The following KLRD1 variants were observed in gnomAD, a reference collection of about 807,000 sequenced individuals.
KLRD1 encodes the protein natural killer cells antigen CD94.
In KLRD1, 21 loss-of-function variants were observed where a neutral mutation model predicts 22.6. That is an observed-to-expected ratio of 0.93 (90% CI 0.66 to 1.34). The LOEUF is 1.34. KLRD1 is among the 40% of genes most tolerant of loss of function. The pLI is 0.00. For missense variants in KLRD1, 183 were observed against 208.6 expected, an observed-to-expected ratio of 0.88 and a Z score of 0.76; for synonymous variants, 59 against 71.1, an observed-to-expected ratio of 0.83 and a Z score of 0.85.
intron 1 of KLRD1, among the ~76,000 whole-genome samples, chr12:10,284,021 CAAAAAA>C (rs10706142): frequency 3.9e-5 from 5 of 129,376 alleles, no homozygotes; most frequent in African/African-American, 5.7e-5. Context: ...ATTAAAAATA[CAAAAAA>C]AAAAAAAAAA....
At chr12:10,253,201 T>G (rs1479548840) in intron 1 of KLRD1, among the ~76,000 whole-genome samples, 1 of 152,130 alleles carries the variant, frequency 6.6e-6, no homozygotes, top group African/African-American at 2.4e-5. Flanking sequence ...TATTTAAATC[T>G]CAGTTTTCAA....
intron 1 of KLRD1, among the ~76,000 whole-genome samples, chr12:10,273,384 G>A (rs1949566085): frequency 6.6e-6 from 1 of 152,272 alleles, no homozygotes; most frequent in Non-Finnish European, 1.5e-5. Context: ...AGATTGTAAT[G>A]TAATAATATT....
upstream of KLRD1, among the ~76,000 whole-genome samples, chr12:10,306,429 A>G (rs1217732720): frequency 6.6e-6 from 1 of 152,222 alleles, no homozygotes; most frequent in Non-Finnish European, 1.5e-5. Flanking sequence ...CTAAAAACTT[A>G]GAACCTCTAA....
At chr12:10,305,460 C>T (rs117084179), upstream of KLRD1, among the ~76,000 whole-genome samples, 4 of 152,104 alleles carry the variant, frequency 2.6e-5, no homozygotes, top group African/African-American at 4.8e-5. Context: ...GAAAGTGGAA[C>T]GCAATAAAGG....
upstream of KLRD1, among the ~76,000 whole-genome samples, chr12:10,301,115 AG>A (rs1949862607): frequency 6.6e-6 from 1 of 152,200 alleles, no homozygotes; most frequent in Non-Finnish European, 1.5e-5. Context: ...AAATGAATGA[AG>A]GGGGAAAAAT....
chr12:10,297,405 G>A (rs1361696572), intron 1 of KLRD1, among the ~76,000 whole-genome samples: 2 of 151,850 alleles, frequency 1.3e-5, no homozygotes, highest in Non-Finnish European at 2.9e-5. Context: ...ATGTGTCAAT[G>A]TATATTTCAT....
chr12:10,253,876 C>T (rs1949366900), intron 1 of KLRD1, among the ~76,000 whole-genome samples: 1 of 152,118 alleles, frequency 6.6e-6, no homozygotes, highest in Non-Finnish European at 1.5e-5. Context: ...CTGCAGTTAT[C>T]ATTCACATGC....
rs1327514319 is a variant in KLRD1 at position 10,316,245 on chromosome 12, C to G, written c.*1452C>G. The G allele has an allele frequency of 6.6e-6, 1 of 151,766 alleles. No homozygotes were observed. Among genetic ancestry groups the G allele is most frequent in the East Asian group, 1.9e-4 (1 of 5,188 alleles). The allele number at this position is 151,766 out of a possible 1,614,324, so 9.4% of individuals were successfully genotyped here. ...CATCCCATCATAATCCCAAATCCTA[C>G]TCAAACAAAAGGGGAAGGGATTATG... On this transcript the variant is annotated 3_prime_UTR_variant, in exon 6 of 6. Coordinates refer to ENST00000336164, the MANE Select transcript of KLRD1 (RefSeq NM_002262.5).
intron 1 of KLRD1, among the ~76,000 whole-genome samples, chr12:10,277,976 G>A (rs1315039499): frequency 1.3e-5 from 2 of 152,180 alleles, no homozygotes; most frequent in Admixed American, 6.5e-5. Flanking sequence ...TACCAGTGCT[G>A]CCTGGATTTA....
rs1470375236 is a variant in KLRD1, at chr12:10,324,133, A to G, written c.*9340A>G. The G allele has an allele frequency of 3.3e-5, 5 of 152,260 alleles. No individual in the cohort carries two copies. Among genetic ancestry groups the G allele is most frequent in the Non-Finnish European group, 7.3e-5 (5 of 68,110 alleles). 9.4% of individuals were successfully genotyped at this position (152,260 alleles called of 1,614,324 possible). A position where few individuals can be genotyped will look rare whatever the true frequency, so the allele number is the denominator to read the frequency against. On this transcript the variant is annotated 3_prime_UTR_variant, in exon 6 of 6. Transcript: ENST00000336164. ...TGCCTTGACCTCCCAAAGTGCTGGAATTACAGGCGTGAGCCACCACATCCA... is the reference window on the plus strand; with the variant it reads ...TGCCTTGACCTCCCAAAGTGCTGGAGTTACAGGCGTGAGCCACCACATCCA...
chr12:10,308,327 T>C, intron 1 of KLRD1: 1 of 494,734 alleles, frequency 2.0e-6, no homozygotes, highest in Non-Finnish European at 3.6e-6. Context: ...GGGCTACCTT[T>C]AAATTCTGAG....
intron 1 of KLRD1, among the ~76,000 whole-genome samples, chr12:10,288,732 A>G (rs1444626329): frequency 6.6e-6 from 1 of 152,256 alleles, no homozygotes; most frequent in Non-Finnish European, 1.5e-5. Context: ...AATATCAATT[A>G]TAGACTACAT....
chr12:10,280,610 G>T (rs1949631688), intron 1 of KLRD1, among the ~76,000 whole-genome samples: 1 of 152,132 alleles, frequency 6.6e-6, no homozygotes, highest in Admixed American at 6.5e-5. Context: ...AAATGAGGAA[G>T]GAGCTAGAGA....
rs868747211 is a variant in KLRD1, at chr12:10,324,294, C to T, written c.*9501C>T. 1 of 152,142 alleles carries T rather than the reference C, an allele frequency of 6.6e-6. No individual in the cohort carries two copies. Among genetic ancestry groups the T allele is most frequent in the Non-Finnish European group, 1.5e-5 (1 of 68,052 alleles). 9.4% of individuals were successfully genotyped at this position (152,142 alleles called of 1,614,324 possible). On this transcript the variant is annotated 3_prime_UTR_variant, in exon 6 of 6. Transcript: ENST00000336164. ...TATATGTAGGCTTCTTATATGAGTACATTGCATGTTGCAGTGGTTTGGTGT... is the reference window on the plus strand; with the variant it reads ...TATATGTAGGCTTCTTATATGAGTATATTGCATGTTGCAGTGGTTTGGTGT...
upstream of KLRD1, among the ~76,000 whole-genome samples, chr12:10,306,386 T>G (rs1466917342): frequency 6.6e-6 from 1 of 152,128 alleles, no homozygotes; most frequent in Non-Finnish European, 1.5e-5. Context: ...AAAAGGACAA[T>G]GACTGATGGA....
At chr12:10,241,562 G>A (rs1394530263) in intron 1 of KLRD1, among the ~76,000 whole-genome samples, 5 of 152,042 alleles carry the variant, frequency 3.3e-5, no homozygotes, top group African/African-American at 9.7e-5. Flanking sequence ...TTGTAAAACT[G>A]GCAATAGGTT....
rs1256334128 is a variant in KLRD1, at chr12:10,321,007, GCTAC to G, written c.*6217_*6220del. ...GTCAGTAGAAAATTGACAATGAATT[GCTAC>G]CTTTTATTCAAAAGTAAGAATAATT... On this transcript the variant is annotated 3_prime_UTR_variant, in exon 6 of 6. Transcript: ENST00000336164. The G allele has an allele frequency of 6.6e-6, 1 of 152,154 alleles. No homozygotes were observed. The highest frequency in any genetic ancestry group is 1.9e-4 in the East Asian group (1 of 5,202). The allele number at this position is 152,154 out of a possible 1,614,324, so 9.4% of individuals were successfully genotyped here.
intron 1 of KLRD1, among the ~76,000 whole-genome samples, chr12:10,256,992 T>G (rs1169520023): frequency 7.5e-6 from 1 of 134,010 alleles, no homozygotes; most frequent in Non-Finnish European, 1.7e-5. Context: ...TGATTGACAG[T>G]TTTTTTTAAT....
chr12:10,288,210 T>C (rs1008735786), intron 1 of KLRD1, among the ~76,000 whole-genome samples: 134 of 147,212 alleles, frequency 9.1e-4, no homozygotes, highest in Non-Finnish European at 1.6e-3. Flanking sequence ...GCCACTGCAC[T>C]CCAGTCTGGA....
Sources: allele counts gnomAD v4.1 joint callset (sites outside exome capture counted in the v4.1 genomes callset), GRCh38; gene constraint gnomAD v4.1.1; transcripts MANE v1.5; gene names NCBI Gene and HGNC (gene_info 2026-07-23, HGNC 2026-07-21).